LRMDA: variants seen among roughly 807,000 people sequenced by gnomAD.
LRMDA encodes leucine-rich melanocyte differentiation-associated protein.
LRMDA carries 18 observed loss-of-function variants against 29.8 expected under a neutral mutation model. The observed-to-expected ratio is 0.60, with a 90% CI of 0.42 to 0.90. The LOEUF (loss-of-function observed/expected upper bound fraction) is 0.90, where lower values mean the gene tolerates loss of function less well. Ranked by LOEUF, LRMDA falls within the 40% of genes least tolerant of loss-of-function variation. The pLI, the probability that LRMDA is intolerant of heterozygous loss-of-function variation, is 0.00. For missense variants in LRMDA, 273 were observed against 273.9 expected, an observed-to-expected ratio of 1.00 and a Z score of 0.02; for synonymous variants, 125 against 109.4, an observed-to-expected ratio of 1.14 and a Z score of -0.89.
chr10:76,203,916 C>G (rs1456863722), intron 5 of LRMDA, among the ~76,000 whole-genome samples: 1 of 149,020 alleles, frequency 6.7e-6, no homozygotes, highest in Non-Finnish European at 1.5e-5. Flanking sequence ...CTCCATGTGC[C>G]CGTCCACCCA....
intron 6 of LRMDA, among the ~76,000 whole-genome samples, chr10:76,481,539 C>T (rs115000752): frequency 2.0e-5 from 3 of 151,976 alleles, no homozygotes; most frequent in African/African-American, 4.8e-5. Context: ...AGGATCACTG[C>T]GCATGTTTAT....
intron 5 of LRMDA, among the ~76,000 whole-genome samples, chr10:76,069,612 T>A (rs1003721417): frequency 6.6e-6 from 1 of 152,170 alleles, no homozygotes; most frequent in Admixed American, 6.5e-5. Flanking sequence ...TTTTTTTTTT[T>A]TTTCTTTTTT....
At chr10:76,510,063 GTTGTTGTTTGT>G (rs1369744986) in intron 6 of LRMDA, among the ~76,000 whole-genome samples, 10 of 151,974 alleles carry the variant, frequency 6.6e-5, no homozygotes, top group African/African-American at 2.4e-4. Context: ...TTCCATTTTT[GTTGTTGTTTGT>G]TTGTTGTTTT....
intron 5 of LRMDA, among the ~76,000 whole-genome samples, chr10:76,107,979 G>C (rs1266121351): frequency 6.6e-6 from 1 of 152,164 alleles, no homozygotes; most frequent in Non-Finnish European, 1.5e-5. Flanking sequence ...TAGACAGACT[G>C]AGTCAGAATC....
Position 76,052,273 on chromosome 10 carries a change from T to C in LRMDA, c.398+4970T>C, listed in dbSNP as rs143586288. ...AAATTTTAAAAACGAAACAAAACTC[T>C]AATGACCCCATGCCCAGTTCCCTCA... On this transcript the variant is annotated intron_variant, in intron 4 of 6. Coordinates refer to ENST00000611255, the MANE Select transcript of LRMDA (RefSeq NM_001305581.2). Among the ~76,000 whole-genome samples the C allele has an allele frequency of 3.9e-3, 599 of 152,334 alleles. 3 individuals are homozygous for C. Among genetic ancestry groups the C allele is most frequent in the African/African-American group, 0.013 (533 of 41,572 alleles).
At position 76,266,089 on chromosome 10, in the gene LRMDA, G is replaced by A. The variant is rs531702547; in HGVS notation, c.517-58312G>A. Among the ~76,000 whole-genome samples the A allele has an allele frequency of 9.5e-4, 145 of 152,236 alleles. 2 individuals carry two copies. Among genetic ancestry groups the A allele is most frequent in the Middle Eastern group, 3.4e-3 (1 of 294 alleles). ...TACCCTCTTTAAGCCTTGATTAACT[G>A]ATCTAGAAAATGAGATACTAAGAGT... On this transcript the variant is annotated intron_variant, in intron 5 of 6. Transcript: ENST00000611255.
chr10:76,298,978 A>T (rs1250514113), intron 5 of LRMDA, among the ~76,000 whole-genome samples: 1 of 152,114 alleles, frequency 6.6e-6, no homozygotes, highest in East Asian at 1.9e-4. Flanking sequence ...TTGGTTGGCC[A>T]CCTTCTTCCA....
At chr10:75,630,123 T>C (rs1841304053) in intron 2 of LRMDA, among the ~76,000 whole-genome samples, 1 of 152,250 alleles carries the variant, frequency 6.6e-6, no homozygotes, top group Non-Finnish European at 1.5e-5. Flanking sequence ...ATGGAAGGCC[T>C]GGGCCTGGGG....
chr10:76,276,229 C>G (rs985109107), intron 5 of LRMDA, among the ~76,000 whole-genome samples: 1 of 151,998 alleles, frequency 6.6e-6, no homozygotes, highest in African/African-American at 2.4e-5. Context: ...TAGCCTTGAA[C>G]TCTTGGGCTT....
intron 6 of LRMDA, among the ~76,000 whole-genome samples, chr10:76,416,273 C>T (rs1296651904): frequency 6.6e-6 from 1 of 152,156 alleles, no homozygotes; most frequent in Non-Finnish European, 1.5e-5. Context: ...AATGGAGTGC[C>T]ACCTGGAATC....
intron 6 of LRMDA, among the ~76,000 whole-genome samples, 169 bp downstream of exon 6, chr10:76,324,654 A>G (rs1186145055): frequency 2.0e-5 from 3 of 152,166 alleles, no homozygotes; most frequent in Admixed American, 2.0e-4. Context: ...AACCCATATT[A>G]AACAGAATTT....
chr10:76,308,554 A>G (rs937098646), intron 5 of LRMDA, among the ~76,000 whole-genome samples: 2 of 152,074 alleles, frequency 1.3e-5, no homozygotes, highest in East Asian at 3.9e-4. Context: ...GAACCAGCCA[A>G]TCTAAACCCA....
chr10:76,215,748 G>A (rs1384718024), intron 5 of LRMDA, among the ~76,000 whole-genome samples: 1 of 152,184 alleles, frequency 6.6e-6, no homozygotes, highest in Non-Finnish European at 1.5e-5. Flanking sequence ...TTGATCTGTA[G>A]TTGCCTGATT....
chr10:75,635,421 A>C (rs1430150434), intron 2 of LRMDA, among the ~76,000 whole-genome samples: 1 of 151,862 alleles, frequency 6.6e-6, no homozygotes, highest in African/African-American at 2.4e-5. Flanking sequence ...AGTTGAGGCT[A>C]TTGGTTGCTG....
intron 6 of LRMDA, among the ~76,000 whole-genome samples, chr10:76,552,823 C>G (rs1843511484): frequency 6.6e-6 from 1 of 152,148 alleles, no homozygotes; most frequent in African/African-American, 2.4e-5. Context: ...AATGGATGTG[C>G]AAGAATTCCC....
In LRMDA at chr10:76,282,683, C is replaced by G. The variant is rs574470578; in HGVS notation, c.517-41718C>G. ...AGAGGACTGCAATTACAGTTTAAGA[C>G]AGCTACTTTTTATTTAATTTTTATC... On this transcript the variant is annotated intron_variant, in intron 5 of 6. Transcript: ENST00000611255. Among the ~76,000 whole-genome samples the G allele has an allele frequency of 6.4e-4, 97 of 152,286 alleles. 1 individual carries two copies. The highest frequency in any genetic ancestry group is 2.3e-3 in the African/African-American group (95 of 41,574).
chr10:76,192,941 A>G lies in LRMDA; in HGVS notation c.517-131460A>G, dbSNP rs190240491. 4.6e-5 allele frequency among the ~76,000 whole-genome samples: 7 copies of G among 152,384 alleles called. No homozygotes were observed. In the East Asian group the frequency reaches 9.6e-4, roughly 21 times the overall value. On this transcript the variant is annotated intron_variant, in intron 5 of 6. Coordinates refer to ENST00000611255, the MANE Select transcript of LRMDA (RefSeq NM_001305581.2). ...CACTACTTTATGAACTCTGTGACTC[A>G]TAATGCCTTACAATATATTTGAAAG...
intron 2 of LRMDA, among the ~76,000 whole-genome samples, chr10:75,704,492 A>G (rs753428054): frequency 2.6e-5 from 4 of 152,200 alleles, no homozygotes; most frequent in Non-Finnish European, 4.4e-5. Context: ...AGAATTTGTC[A>G]TGGTGCAGGA....
intron 5 of LRMDA, among the ~76,000 whole-genome samples, chr10:76,167,287 T>C (rs1259000895): frequency 6.6e-6 from 1 of 152,268 alleles, no homozygotes; most frequent in Non-Finnish European, 1.5e-5. Flanking sequence ...TAGTTTCTTT[T>C]GCTGTGCAGA....
Sources: gnomAD v4.1 joint callset for allele counts (sites outside exome capture counted in the v4.1 genomes callset) on GRCh38, gnomAD v4.1.1 for gene constraint, MANE v1.5 for transcripts, NCBI Gene and HGNC (gene_info 2026-07-23, HGNC 2026-07-21) for gene names.